FBXL17: variants seen among roughly 807,000 people sequenced by gnomAD.
The protein encoded by FBXL17 is F-box/LRR-repeat protein 17.
In FBXL17, 22 loss-of-function variants were observed where a neutral mutation model predicts 66.2. The ratio of observed to expected loss-of-function variants is 0.33; its 90% CI spans 0.24 to 0.47. The LOEUF (loss-of-function observed/expected upper bound fraction) is 0.47. FBXL17 is among the 20% of genes least tolerant of loss of function. The pLI is 1.00. For missense variants in FBXL17, 878 were observed against 948.2 expected (o/e 0.93, Z 0.97); for synonymous variants, 474 against 400.5 (o/e 1.18, Z -2.19).
chr5:108,003,386 C>G (rs952010146), intron 7 of FBXL17, among the ~76,000 whole-genome samples: 3 of 152,164 alleles, frequency 2.0e-5, no homozygotes, highest in African/African-American at 7.2e-5. Flanking sequence ...TTTGAAAGCA[C>G]ATCCGTTAAC....
At chr5:108,322,748 T>C (rs1484300845) in intron 4 of FBXL17, among the ~76,000 whole-genome samples, 2 of 151,936 alleles carry the variant, frequency 1.3e-5, no homozygotes, top group Admixed American at 1.3e-4. Context: ...TAATAGATGT[T>C]TCCAAACAGG....
At chr5:108,122,876 G>T (rs1374348926) in intron 6 of FBXL17, among the ~76,000 whole-genome samples, 1 of 151,962 alleles carries the variant, frequency 6.6e-6, no homozygotes, top group Non-Finnish European at 1.5e-5. Context: ...GTTCCTCGCA[G>T]TCACCTCTGA....
intron 7 of FBXL17, among the ~76,000 whole-genome samples, chr5:107,986,979 T>C (rs1753034769): frequency 1.3e-5 from 2 of 152,028 alleles, no homozygotes. Context: ...TTTATACAAA[T>C]TTATTGACAT....
chr5:108,143,671 T>C (rs1751447073), intron 6 of FBXL17, among the ~76,000 whole-genome samples: 2 of 144,982 alleles, frequency 1.4e-5, no homozygotes, highest in Admixed American at 1.4e-4. Flanking sequence ...GCCCCTTAGC[T>C]GAGGTAAAGG....
At chr5:108,257,719 T>G (rs1396742939) in intron 4 of FBXL17, among the ~76,000 whole-genome samples, 4 of 152,086 alleles carry the variant, frequency 2.6e-5, no homozygotes, top group South Asian at 2.1e-4. Flanking sequence ...CCAAAATATG[T>G]GCCCAGGTGG....
Position 108,084,363 on chromosome 5 carries a change from C to T in FBXL17, c.1746-63362G>A, listed in dbSNP as rs557122360. Among the ~76,000 whole-genome samples, 5 of 152,326 alleles carry T rather than the reference C, an allele frequency of 3.3e-5. No individual in the cohort carries two copies. In the South Asian group the frequency reaches 1.0e-3, roughly 32 times the overall value. On this transcript the variant is annotated intron_variant, in intron 6 of 8. Coordinates refer to ENST00000542267, the MANE Select transcript of FBXL17 (RefSeq NM_001163315.3). ...GCAAAAGGAAGCAAACTTTACTTAT[C>T]TACCAATCGGTTTGCTCTGCATGAG...
Position 108,381,428 on chromosome 5 carries a change from G to T in FBXL17, c.264C>A (p.Asp88Glu). The change falls in exon 1 of 9, where the codon GAC becomes GAA. Residue 88 changes from aspartate (D) to glutamate (E), a missense_variant. Physicochemically the swap from Asp to Glu is conservative, Grantham distance 45. Transcript: ENST00000542267. ...EEPPLSPPPR[D>E]GAYAAASSSQ... Reference sequence around the variant, plus strand: ...AGGAGGAGGCGGCAGCGTAGGCCCCGTCCCGCGGCGGCGGCGAGAGCGGCG... The same window carrying T: ...AGGAGGAGGCGGCAGCGTAGGCCCCTTCCCGCGGCGGCGGCGAGAGCGGCG... 7.6e-7 allele frequency: 1 copy of T among 1,317,018 alleles called. No homozygotes were observed. 81.6% of individuals were successfully genotyped at this position (1,317,018 alleles called of 1,614,324 possible).
At chr5:108,294,282 G>GA (rs397882564) in intron 4 of FBXL17, among the ~76,000 whole-genome samples, 79 of 136,864 alleles carry the variant, frequency 5.8e-4, no homozygotes, top group Middle Eastern at 4.2e-3. Flanking sequence ...TATATATACT[G>GA]AAAAAAAAAA....
At chr5:107,930,645 A>C (rs1191959750) in intron 7 of FBXL17, among the ~76,000 whole-genome samples, 1 of 152,244 alleles carries the variant, frequency 6.6e-6, no homozygotes, top group Admixed American at 6.5e-5. Flanking sequence ...TCACTTAGTA[A>C]GCATTTATTA....
chr5:108,252,798 T>C (rs1756411987), intron 4 of FBXL17, among the ~76,000 whole-genome samples: 1 of 152,158 alleles, frequency 6.6e-6, no homozygotes, highest in African/African-American at 2.4e-5. Context: ...GCAAACATTA[T>C]TTCACCCCAA....
intron 4 of FBXL17, among the ~76,000 whole-genome samples, chr5:108,262,265 G>A (rs1056259761): frequency 6.6e-6 from 1 of 151,216 alleles, no homozygotes; most frequent in African/African-American, 2.4e-5. Context: ...TTTTAGTAGA[G>A]GCGGGGTTTC....
intron 5 of FBXL17, among the ~76,000 whole-genome samples, chr5:108,216,256 T>C (rs552869072): frequency 6.6e-5 from 10 of 152,300 alleles, no homozygotes; most frequent in Admixed American, 4.6e-4. Flanking sequence ...AGAGATTCCA[T>C]TGACTCTATA....
chr5:108,140,231 A>G (rs1381792221), intron 6 of FBXL17, among the ~76,000 whole-genome samples: 2 of 152,138 alleles, frequency 1.3e-5, no homozygotes, highest in East Asian at 3.9e-4. Flanking sequence ...TTTTCTGTAC[A>G]GATGGGGTCT....
intron 7 of FBXL17, among the ~76,000 whole-genome samples, chr5:107,992,696 C>T (rs1414652843): frequency 2.0e-5 from 3 of 152,084 alleles, no homozygotes; most frequent in Non-Finnish European, 4.4e-5. Context: ...AGTATAATAA[C>T]TTTCATGTAT....
At chr5:108,169,074 C>T (rs146144000) in intron 6 of FBXL17, among the ~76,000 whole-genome samples, 3 of 152,236 alleles carry the variant, frequency 2.0e-5, no homozygotes, top group African/African-American at 7.2e-5. Flanking sequence ...TGTCTAAATG[C>T]CTGTCAGGGC....
intron 4 of FBXL17, among the ~76,000 whole-genome samples, chr5:108,239,923 A>G (rs941862413): frequency 2.6e-5 from 4 of 152,062 alleles, no homozygotes; most frequent in Non-Finnish European, 5.9e-5. Flanking sequence ...TCCAGGACCT[A>G]GATCCTGGAT....
intron 4 of FBXL17, among the ~76,000 whole-genome samples, chr5:108,273,330 A>G (rs1757353096): frequency 1.3e-5 from 2 of 150,464 alleles, no homozygotes; most frequent in South Asian, 4.2e-4. Context: ...CCTAAAACTT[A>G]AAGTATAATA....
chr5:108,096,239 A>G (rs1247574982), intron 6 of FBXL17, among the ~76,000 whole-genome samples: 2 of 152,236 alleles, frequency 1.3e-5, no homozygotes, highest in African/African-American at 4.8e-5. Context: ...CATTAGCAAA[A>G]TGATTTTTCA....
chr5:107,879,637 G>C (rs1748719455), intron 8 of FBXL17: 1 of 985,296 alleles, frequency 1.0e-6, no homozygotes, highest in Non-Finnish European at 1.2e-6. Flanking sequence ...CAAGAGCTTT[G>C]GGCCATACTT....
Sources: gnomAD v4.1 joint callset for allele counts (sites outside exome capture counted in the v4.1 genomes callset) on GRCh38, gnomAD v4.1.1 for gene constraint, MANE v1.5 for transcripts, NCBI Gene and HGNC (gene_info 2026-07-23, HGNC 2026-07-21) for gene names.